Variants in CFAP95 observed in about 807,000 individuals in gnomAD.
The protein encoded by CFAP95 is cilia- and flagella-associated protein 95.
At chr9:69,821,895 T>A in the CFAP95 span, among the ~76,000 whole-genome samples, 1 of 152,222 alleles carries the variant, frequency 6.6e-6, no homozygotes, top group East Asian at 1.9e-4. Flanking sequence ...GAGCACTGGC[T>A]ACACCTTAAG....
the CFAP95 span, among the ~76,000 whole-genome samples, chr9:69,829,214 G>T: frequency 6.6e-6 from 1 of 152,110 alleles, no homozygotes; most frequent in Admixed American, 6.5e-5. Flanking sequence ...GGATATAGTA[G>T]TTTTTTGGGG....
the CFAP95 span, among the ~76,000 whole-genome samples, chr9:69,849,074 A>G: frequency 3.7e-4 from 57 of 152,278 alleles, 1 homozygote; most frequent in South Asian, 7.9e-3. Flanking sequence ...TTCTTATCAT[A>G]TCTCTCTATC....
At chr9:69,820,905 A>G in the CFAP95 span, 1 of 1,614,158 alleles carries the variant, frequency 6.2e-7, no homozygotes, top group African/African-American at 1.3e-5. Context: ...AGATCCTGCC[A>G]GGACTGGTGC....
the CFAP95 span, among the ~76,000 whole-genome samples, chr9:69,823,046 A>G: frequency 6.6e-6 from 1 of 152,174 alleles, no homozygotes; most frequent in Admixed American, 6.5e-5. Context: ...ATAAATAAAT[A>G]CTGGAGACTG....
the CFAP95 span, among the ~76,000 whole-genome samples, chr9:69,904,503 T>C: frequency 5.8e-4 from 88 of 152,340 alleles, no homozygotes; most frequent in Middle Eastern, 3.4e-3. Flanking sequence ...TTTCCTCCTC[T>C]AGTCTTTAAT....
At chr9:69,841,387 G>T in the CFAP95 span, among the ~76,000 whole-genome samples, 24,933 of 151,002 alleles carry the variant, frequency 0.17, 2,563 homozygotes, top group Admixed American at 0.24. Flanking sequence ...GACCCAGCAG[G>T]TAACAAAAGA....
the CFAP95 span, among the ~76,000 whole-genome samples, chr9:69,835,911 C>T: frequency 7.2e-5 from 11 of 152,310 alleles, no homozygotes; most frequent in East Asian, 1.2e-3. Context: ...AAGAATCCTA[C>T]GACCTAATCC....
the CFAP95 span, among the ~76,000 whole-genome samples, chr9:69,826,590 T>C: frequency 2.0e-5 from 3 of 152,228 alleles, no homozygotes. Flanking sequence ...GTTTTCTTCT[T>C]TCTGCCTTTA....
At chr9:69,877,126 A>G in the CFAP95 span, among the ~76,000 whole-genome samples, 1 of 152,222 alleles carries the variant, frequency 6.6e-6, no homozygotes, top group Non-Finnish European at 1.5e-5. Flanking sequence ...ACATGTAATT[A>G]TATATGCTTA....
chr9:69,891,859 G>A, the CFAP95 span, among the ~76,000 whole-genome samples: 1 of 152,132 alleles, frequency 6.6e-6, no homozygotes, highest in Non-Finnish European at 1.5e-5. Context: ...ATACCAATGA[G>A]TGTTGTTATC....
the CFAP95 span, among the ~76,000 whole-genome samples, chr9:69,872,085 T>TGC: frequency 3.3e-5 from 5 of 152,188 alleles, no homozygotes; most frequent in South Asian, 4.1e-4. Flanking sequence ...TCCAAAAGTT[T>TGC]TTCATCCAGT....
At chr9:69,900,444 T>C in the CFAP95 span, among the ~76,000 whole-genome samples, 1 of 152,186 alleles carries the variant, frequency 6.6e-6, no homozygotes, top group African/African-American at 2.4e-5. Flanking sequence ...TTCTCTGAGG[T>C]GATATCCCTA....
At chr9:69,844,756 C>A in the CFAP95 span, 1 of 593,330 alleles carries the variant, frequency 1.7e-6, no homozygotes, top group South Asian at 2.7e-5. Context: ...ATGACTTAGT[C>A]ACTGTGTGCT....
At chr9:69,851,876 GA>G in the CFAP95 span, among the ~76,000 whole-genome samples, 45 of 142,850 alleles carry the variant, frequency 3.2e-4, no homozygotes, top group East Asian at 6.1e-4. Context: ...TAAAAATAGA[GA>G]AAAAAAAAAA....
chr9:69,882,257 G>A, the CFAP95 span, among the ~76,000 whole-genome samples: 3 of 152,132 alleles, frequency 2.0e-5, no homozygotes, highest in Non-Finnish European at 2.9e-5. Flanking sequence ...CTGGGGGCAT[G>A]AGCCACCATG....
the CFAP95 span, among the ~76,000 whole-genome samples, chr9:69,888,867 G>T: frequency 7.0e-6 from 1 of 142,212 alleles, no homozygotes; most frequent in Non-Finnish European, 1.5e-5. Context: ...GATGGAGTGA[G>T]ACTTGGTCTC....
chr9:69,828,048 G>A, the CFAP95 span, among the ~76,000 whole-genome samples: 6 of 152,106 alleles, frequency 3.9e-5, no homozygotes, highest in Non-Finnish European at 8.8e-5. Flanking sequence ...TCCTCCCTGT[G>A]GTATATTTGG....
At chr9:69,829,925 G>A in the CFAP95 span, among the ~76,000 whole-genome samples, 1 of 152,318 alleles carries the variant, frequency 6.6e-6, no homozygotes, top group East Asian at 1.9e-4. Flanking sequence ...TTGGTTGCAA[G>A]TGACAGATGG....
the CFAP95 span, among the ~76,000 whole-genome samples, chr9:69,899,564 C>T: frequency 8.9e-3 from 1,352 of 152,352 alleles, 19 homozygotes; most frequent in African/African-American, 0.031. Flanking sequence ...AGACTACTAT[C>T]CTTTCAAAGC....
Sources: gnomAD v4.1 joint callset for allele counts (sites outside exome capture counted in the v4.1 genomes callset) on GRCh38, gnomAD v4.1.1 for gene constraint, MANE v1.5 for transcripts, NCBI Gene and HGNC (gene_info 2026-07-23, HGNC 2026-07-21) for gene names.